Variants in SPATA7 observed in about 807,000 individuals in gnomAD.
SPATA7 encodes the protein spermatogenesis-associated protein 7.
SPATA7 carries 43 observed loss-of-function variants against 51.8 expected under a neutral mutation model. That is an observed-to-expected ratio of 0.83 (90% CI 0.65 to 1.07). The LOEUF (loss-of-function observed/expected upper bound fraction) is 1.07. Ranked by LOEUF, SPATA7 falls within the 50% of genes least tolerant of loss-of-function variation. SPATA7 has a pLI of 0.00. For missense variants in SPATA7, 683 were observed against 701.3 expected (o/e 0.97, Z 0.30); for synonymous variants, 230 against 252.8 (o/e 0.91, Z 0.86).
At chr14:88,459,824 T>A (rs1246059230), downstream of SPATA7, among the ~76,000 whole-genome samples, 1 of 152,192 alleles carries the variant, frequency 6.6e-6, no homozygotes, top group African/African-American at 2.4e-5. Flanking sequence ...GGTCTTTACA[T>A]TTTGGCATGT....
intron 2 of SPATA7, 29 bp downstream of exon 2, chr14:88,391,484 T>A (rs1485345093): frequency 6.3e-7 from 1 of 1,587,474 alleles, no homozygotes; most frequent in East Asian, 2.2e-5. Flanking sequence ...ACGGCAGCTT[T>A]GTTAGAAGAT....
At chr14:88,427,786 A>G (rs1370715064) in intron 7 of SPATA7, 90 bp downstream of exon 7, 2 of 964,738 alleles carry the variant, frequency 2.1e-6, no homozygotes, top group Non-Finnish European at 3.3e-6. Context: ...TAGACTGTGA[A>G]GAATAATCTG....
chr14:88,439,960 C>T (rs190723129), downstream of SPATA7, among the ~76,000 whole-genome samples: 2 of 152,272 alleles, frequency 1.3e-5, no homozygotes, highest in Admixed American at 6.5e-5. Context: ...CTCTTGCAGT[C>T]CTCTTAAACC....
intron 1 of SPATA7, among the ~76,000 whole-genome samples, chr14:88,389,666 C>A (rs1197704047): frequency 2.0e-5 from 3 of 152,194 alleles, no homozygotes; most frequent in Non-Finnish European, 4.4e-5. Context: ...TGCTAAAGAG[C>A]AGCTGGATTG....
downstream of SPATA7, among the ~76,000 whole-genome samples, chr14:88,441,935 C>T (rs78957453): frequency 0.026 from 3,962 of 152,164 alleles, 182 homozygotes; most frequent in African/African-American, 0.09. Context: ...TCTAGAAAGG[C>T]TTTTCTGATG....
chr14:88,408,002 T>C (rs2076242899), intron 4 of SPATA7, among the ~76,000 whole-genome samples: 1 of 152,204 alleles, frequency 6.6e-6, no homozygotes, highest in Non-Finnish European at 1.5e-5. Flanking sequence ...GCTGTTTTGG[T>C]TACTGTAGCC....
rs761964302 is a variant in SPATA7, at chr14:88,469,602, C to G, written c.255-245C>G. The G allele has an allele frequency of 6.2e-7, 1 of 1,614,134 alleles. No individual in the cohort carries two copies. Among genetic ancestry groups the G allele is most frequent in the Admixed American group, 1.7e-5 (1 of 60,016 alleles). ...GCCCAGTAAGGAGGTGCTTCATCTT[C>G]AGGCCTGTGGTGGCATAGCAGCCAG... is the stretch of plus-strand genomic sequence containing the variant. On this transcript the variant is annotated intron_variant, in intron 4 of 4. Coordinates refer to the SPATA7 transcript ENST00000556406. The surrounding 1 kb of genome is among the most constrained non-coding windows in gnomAD (Gnocchi z 4.3).
chr14:88,391,549 C>T (rs1440450435), intron 2 of SPATA7, 94 bp downstream of exon 2: 2 of 1,023,332 alleles, frequency 2.0e-6, no homozygotes, highest in Non-Finnish European at 3.0e-6. Context: ...AAAATTGTTT[C>T]ATTTGACGAA....
Position 88,453,299 on chromosome 14 carries a change from T to A in SPATA7, c.178-1761T>A, listed in dbSNP as rs575428088. Among the ~76,000 whole-genome samples the A allele has an allele frequency of 1.3e-4, 20 of 152,324 alleles. No homozygotes were observed. The South Asian group carries it at 4.1e-3, about 32-fold the overall frequency. On this transcript the variant is annotated intron_variant, in intron 3 of 3. Coordinates refer to the SPATA7 transcript ENST00000554802. ...CTCTTTATACTCAGAAAGTTCAGGT[T>A]CCCCGTGTAGAAAGAAGAATGTAGC... is the stretch of plus-strand genomic sequence containing the variant.
chr14:88,400,027 G>A (rs962942874), intron 4 of SPATA7, among the ~76,000 whole-genome samples: 4 of 152,064 alleles, frequency 2.6e-5, no homozygotes, highest in East Asian at 1.9e-4. Flanking sequence ...TGAAGAATAC[G>A]CACTCCTCAA....
At chr14:88,431,142 T>G (rs771869237) in intron 8 of SPATA7, 30 bp from the exon 9 acceptor site, 23 of 1,606,738 alleles carry the variant, frequency 1.4e-5, no homozygotes, top group Non-Finnish European at 2.0e-5. Flanking sequence ...ACCACTGTTT[T>G]GCTCAACTAC....
chr14:88,395,872 T>C (rs1049205032), intron 3 of SPATA7, among the ~76,000 whole-genome samples: 8 of 152,130 alleles, frequency 5.3e-5, no homozygotes, highest in Non-Finnish European at 1.0e-4. Flanking sequence ...ATTTTGCTTT[T>C]TTTTCCCCAA....
intron 4 of SPATA7, chr14:88,466,594 C>T (rs1219972092): frequency 6.6e-6 from 1 of 152,178 alleles, no homozygotes; most frequent in African/African-American, 2.4e-5. Flanking sequence ...GGAAAGGGTT[C>T]CTCAGCTAAA....
downstream of SPATA7, among the ~76,000 whole-genome samples, chr14:88,442,024 G>T (rs2077181622): frequency 6.6e-6 from 1 of 152,128 alleles, no homozygotes; most frequent in Non-Finnish European, 1.5e-5. Flanking sequence ...TCCATAAGGT[G>T]AGAGATGAGG....
intron 4 of SPATA7, among the ~76,000 whole-genome samples, chr14:88,410,513 T>G (rs1254746428): frequency 6.6e-6 from 1 of 152,208 alleles, no homozygotes; most frequent in Non-Finnish European, 1.5e-5. Context: ...GCACTGTTTT[T>G]TCCTCATCTT....
At chr14:88,387,076 G>A (rs181056131) in intron 1 of SPATA7, among the ~76,000 whole-genome samples, 1 of 152,304 alleles carries the variant, frequency 6.6e-6, no homozygotes, top group East Asian at 1.9e-4. Context: ...TTATTTCATA[G>A]TGAAGAAACT....
intron 1 of SPATA7, among the ~76,000 whole-genome samples, chr14:88,386,490 A>G (rs915199507): frequency 1.3e-5 from 2 of 152,126 alleles, no homozygotes; most frequent in Non-Finnish European, 2.9e-5. Context: ...AATAAATTCC[A>G]AGTAATGCGG....
chr14:88,395,408 G>C (rs564807314), intron 3 of SPATA7, among the ~76,000 whole-genome samples: 1 of 151,772 alleles, frequency 6.6e-6, no homozygotes, highest in Non-Finnish European at 1.5e-5. Context: ...CATGAAAATC[G>C]TGAAGTCGTT....
chr14:88,387,681 G>C (rs1332534), intron 1 of SPATA7, among the ~76,000 whole-genome samples: 1,896 of 152,206 alleles, frequency 0.012, 121 homozygotes, highest in Admixed American at 0.12. Context: ...ACTGAAAAAC[G>C]GTTAGTCTTG....
Sources: allele counts gnomAD v4.1 joint callset (sites outside exome capture counted in the v4.1 genomes callset), GRCh38; gene constraint gnomAD v4.1.1; non-coding constraint Gnocchi (gnomAD v3.1); transcripts MANE v1.5; gene names NCBI Gene and HGNC (gene_info 2026-07-23, HGNC 2026-07-21).